The following ATG10 variants were observed in gnomAD, a reference collection of about 807,000 sequenced individuals.
ATG10 encodes ubiquitin-like-conjugating enzyme ATG10.
Under a neutral mutation model 32.1 loss-of-function variants are expected in ATG10, and 30 were observed. That is an observed-to-expected ratio of 0.94 (90% CI 0.70 to 1.27). The LOEUF (loss-of-function observed/expected upper bound fraction) is 1.27, where lower values mean the gene tolerates loss of function less well. Among genes scored for constraint, ATG10 ranks in the 50% most tolerant of loss-of-function variants. The pLI, the probability that ATG10 is intolerant of heterozygous loss-of-function variation, is 0.00. For synonymous variants in ATG10, 87 were observed against 91.5 expected, an observed-to-expected ratio of 0.95 and a Z score of 0.28; for missense variants, 233 against 262.3, an observed-to-expected ratio of 0.89 and a Z score of 0.77.
At chr5:82,044,882 T>C (rs563073063) in intron 2 of ATG10, among the ~76,000 whole-genome samples, 1 of 152,316 alleles carries the variant, frequency 6.6e-6, no homozygotes, top group South Asian at 2.1e-4. Context: ...AGTGAAAGAC[T>C]CACAAAAGGC....
At chr5:82,202,587 A>C (rs1321526458) in intron 5 of ATG10, among the ~76,000 whole-genome samples, 6 of 152,176 alleles carry the variant, frequency 3.9e-5, no homozygotes, top group Admixed American at 2.6e-4. Context: ...TGTGCTCTCC[A>C]GTATTTCTCC....
intron 3 of ATG10, among the ~76,000 whole-genome samples, chr5:82,098,728 A>G (rs1320318954): frequency 2.6e-5 from 4 of 152,224 alleles, no homozygotes; most frequent in Non-Finnish European, 4.4e-5. Context: ...TTTTCAGGTC[A>G]TTCAGAATTG....
intron 5 of ATG10, among the ~76,000 whole-genome samples, chr5:82,193,014 T>C (rs1237512071): frequency 1.3e-5 from 2 of 152,222 alleles, no homozygotes; most frequent in African/African-American, 4.8e-5. Flanking sequence ...TTGGATATGC[T>C]GTTTACTATG....
chr5:81,992,340 C>T (rs951637622), intron 2 of ATG10: 1 of 151,482 alleles, frequency 6.6e-6, no homozygotes, highest in African/African-American at 2.4e-5. Context: ...GTTTTATGGT[C>T]ACTCATACAA....
chr5:82,175,202 C>T (rs969594832), intron 4 of ATG10, among the ~76,000 whole-genome samples: 5 of 152,154 alleles, frequency 3.3e-5, no homozygotes, highest in Admixed American at 6.5e-5. Flanking sequence ...GAAAATAGTG[C>T]TTATTCTGAA....
intron 3 of ATG10, among the ~76,000 whole-genome samples, chr5:82,083,199 G>A (rs538330715): frequency 1.8e-3 from 276 of 152,310 alleles, no homozygotes; most frequent in Non-Finnish European, 2.7e-3. Context: ...TGCCTGGCTC[G>A]TAGAATCCCA....
rs550114888 is a variant in ATG10 at position 82,061,730 on chromosome 5, G to T, written c.216+3128G>T. Among the ~76,000 whole-genome samples, 11 of 142,056 alleles carry T rather than the reference G, an allele frequency of 7.7e-5. No individual in the cohort carries two copies. In the South Asian group the frequency reaches 1.1e-3, roughly 14 times the overall value. 93.2% of individuals were successfully genotyped at this position (142,056 alleles called of 152,430 possible). A position where few individuals can be genotyped will look rare whatever the true frequency, so the allele number is the denominator to read the frequency against. ...ATGTAATATAGTATATTATAAAAAA[G>T]TATGGGTGTATGTGTATATATGTGT... On this transcript the variant is annotated intron_variant, in intron 3 of 7. Transcript: ENST00000282185.
rs1744121750 is a variant in ATG10 at position 82,178,606 on chromosome 5, T to G, written c.453+19T>G. The stretch of plus-strand genomic sequence containing the variant: ...GCAACAGGTTGGAGAGTATTGTCAT[T>G]TTATTGTATGCATGTTATTGTATTC... On this transcript the variant is annotated intron_variant, in intron 5 of 7. Transcript: ENST00000282185. 1 of 1,471,854 alleles carries G rather than the reference T, an allele frequency of 6.8e-7. No homozygotes were observed. The highest frequency in any genetic ancestry group is 1.4e-5 in the African/African-American group (1 of 72,058). The allele number at this position is 1,471,854 out of a possible 1,614,324, so 91.2% of individuals were successfully genotyped here.
Position 81,972,218 on chromosome 5 carries a change from G to C in ATG10, c.-101G>C, listed in dbSNP as rs1349464313. 1 of 152,540 alleles carries C rather than the reference G, an allele frequency of 6.6e-6. No homozygotes were observed. Among genetic ancestry groups the C allele is most frequent in the East Asian group, 1.9e-4 (1 of 5,178 alleles). 9.4% of individuals were successfully genotyped at this position (152,540 alleles called of 1,614,324 possible). A position where few individuals can be genotyped will look rare whatever the true frequency, so the allele number is the denominator to read the frequency against. On this transcript the variant is annotated 5_prime_UTR_variant, in exon 1 of 8. Transcript: ENST00000282185. ...CGCGGCAGTGGCCTCGCAGGGCGCT[G>C]GGTCCCTCTCCCCAGCTCTCCTCCC...
chr5:82,085,682 T>C (rs548441468), intron 3 of ATG10, among the ~76,000 whole-genome samples: 57 of 152,072 alleles, frequency 3.7e-4, no homozygotes, highest in African/African-American at 1.3e-3. Flanking sequence ...ACATGTAGAA[T>C]ATAGAATTGC....
chr5:82,103,763 A>G (rs140004978), intron 3 of ATG10, among the ~76,000 whole-genome samples: 15 of 152,180 alleles, frequency 9.9e-5, no homozygotes, highest in African/African-American at 3.4e-4. Flanking sequence ...GTGTTTTAAA[A>G]AGCTTGGTGG....
At chr5:82,122,492 A>G (rs1766083582) in intron 3 of ATG10, among the ~76,000 whole-genome samples, 1 of 152,196 alleles carries the variant, frequency 6.6e-6, no homozygotes, top group East Asian at 1.9e-4. Flanking sequence ...CAATTGCAAC[A>G]AAAGCAAGAC....
At chr5:82,166,575 T>C (rs1487042140) in intron 4 of ATG10, among the ~76,000 whole-genome samples, 1 of 152,198 alleles carries the variant, frequency 6.6e-6, no homozygotes, top group Non-Finnish European at 1.5e-5. Flanking sequence ...TTAAAATGTA[T>C]CAACCTTTAC....
intron 3 of ATG10, among the ~76,000 whole-genome samples, chr5:82,149,192 A>T (rs1006114895): frequency 5.3e-5 from 8 of 151,834 alleles, no homozygotes; most frequent in Admixed American, 4.6e-4. Context: ...CATATTGGCA[A>T]CCAGGGCAGC....
chr5:82,103,932 T>G (rs1394500273), intron 3 of ATG10, among the ~76,000 whole-genome samples: 1 of 152,186 alleles, frequency 6.6e-6, no homozygotes, highest in East Asian at 1.9e-4. Context: ...TTCCTCTTTC[T>G]TCTTAACCTT....
At chr5:82,128,629 G>T (rs976296626) in intron 3 of ATG10, among the ~76,000 whole-genome samples, 3 of 148,710 alleles carry the variant, frequency 2.0e-5, no homozygotes, top group African/African-American at 7.4e-5. Flanking sequence ...ACTCTCTTCT[G>T]GCTTGTAGGG....
At position 82,178,569 on chromosome 5, in the gene ATG10, G is replaced by C; in HGVS notation, c.435G>C (p.Trp145Cys). 1 of 1,609,672 alleles carries C rather than the reference G, an allele frequency of 6.2e-7. No homozygotes were observed. Among genetic ancestry groups the C allele is most frequent in the Non-Finnish European group, 8.5e-7 (1 of 1,176,370 alleles). The change falls in exon 5 of 8, where the codon TGG (tryptophan) becomes TGC (cysteine). Residue 145 changes from tryptophan to cysteine, a missense_variant. By Grantham distance (215) the Trp-to-Cys change is radical. Coordinates refer to ENST00000282185, the MANE Select transcript of ATG10 (RefSeq NM_031482.5). ...CYKMRLLQGP[W>C]DTITQQEHPI... is the part of the protein sequence containing the mutation. ...AGATGCGACTGCTACAGGGACCATG[G>C]GACACTATTACGCAACAGGTTGGAG...
chr5:82,034,032 AT>A (rs1444973783), intron 2 of ATG10, among the ~76,000 whole-genome samples: 1 of 148,624 alleles, frequency 6.7e-6, no homozygotes, highest in Non-Finnish European at 1.5e-5. Flanking sequence ...CATATATAAA[AT>A]ATACACTATA....
chr5:82,168,064 A>G (rs560678405), intron 4 of ATG10, among the ~76,000 whole-genome samples: 4 of 152,020 alleles, frequency 2.6e-5, no homozygotes, highest in Non-Finnish European at 4.4e-5. Flanking sequence ...CTTCAAGTGC[A>G]TGCTGTTTTT....
Sources: gnomAD v4.1 joint callset for allele counts (sites outside exome capture counted in the v4.1 genomes callset) on GRCh38, gnomAD v4.1.1 for gene constraint, MANE v1.5 for transcripts, NCBI Gene and HGNC (gene_info 2026-07-23, HGNC 2026-07-21) for gene names.